The following ZNF544 variants were observed in gnomAD, a reference collection of about 807,000 sequenced individuals.
The protein encoded by ZNF544 is zinc finger protein 544, also known as zinc finger protein AF020591.
ZNF544 carries 10 observed loss-of-function variants against 13.5 expected under a neutral mutation model. That is an observed-to-expected ratio of 0.74 (90% CI 0.46 to 1.25). The LOEUF (loss-of-function observed/expected upper bound fraction) is 1.25, where lower values mean the gene tolerates loss of function less well. Ranked by LOEUF, ZNF544 falls within the 50% of genes most tolerant of loss-of-function variation. The probability of loss-of-function intolerance (pLI) is 0.00; values close to 1 mark genes in which losing one functional copy is unlikely to be tolerated. For missense variants in ZNF544, 896 were observed against 845.6 expected, an observed-to-expected ratio of 1.06 and a Z score of -0.74; for synonymous variants, 323 against 300.5, an observed-to-expected ratio of 1.07 and a Z score of -0.77.
intron 3 of ZNF544, among the ~76,000 whole-genome samples, chr19:58,237,760 G>T (rs566633887): frequency 2.0e-5 from 3 of 152,230 alleles, no homozygotes. Context: ...TGTGCCAGAA[G>T]CCTGGAGCTT....
chr19:58,255,859 C>T (rs887277302), intron 6 of ZNF544, among the ~76,000 whole-genome samples: 1 of 152,268 alleles, frequency 6.6e-6, no homozygotes, highest in Non-Finnish European at 1.5e-5. Context: ...TCCCCATTTA[C>T]GCCTTGGCCT....
chr19:58,261,305 C>A lies in ZNF544; in HGVS notation c.699C>A (p.Asn233Lys). The A allele has an allele frequency of 6.2e-7, 1 of 1,614,094 alleles. No homozygotes were observed. Among genetic ancestry groups the A allele is most frequent in the Non-Finnish European group, 8.5e-7 (1 of 1,180,016 alleles). Residue 233 changes from asparagine to lysine, a missense_variant, in exon 7 of 7, where the codon AAC becomes AAA. Physicochemically the swap from Asn to Lys is moderately conservative, Grantham distance 94. Coordinates refer to ENST00000687789, the MANE Select transcript of ZNF544 (RefSeq NM_014480.4). ...GTATTTACTTGAGTAAACTTGGAAA[C>A]GTTGAAACAGGAAAGAAAAACCCTT... ...CQSIYLSKLG[N>K]VETGKKNPYE...
At chr19:58,259,182 C>G (rs1475645268) in intron 6 of ZNF544, 1 of 152,270 alleles carries the variant, frequency 6.6e-6, no homozygotes, top group Non-Finnish European at 1.5e-5. Flanking sequence ...GCCAGTCATG[C>G]TGATCATGCT....
chr19:58,275,832 C>T (rs2051183862), intron 5 of ZNF544, among the ~76,000 whole-genome samples: 1 of 133,600 alleles, frequency 7.5e-6, no homozygotes, highest in South Asian at 2.5e-4. Flanking sequence ...ACATCAAAAT[C>T]ACAGATTCCA....
chr19:58,272,907 G>A lies in ZNF544; in HGVS notation c.245-3416G>A, dbSNP rs777266497. Among the ~76,000 whole-genome samples, 80 of 151,860 alleles carry A rather than the reference G, an allele frequency of 5.3e-4. 1 individual carries two copies. Among genetic ancestry groups the A allele is most frequent in the Non-Finnish European group, 1.8e-4 (12 of 67,960 alleles). Reference sequence around the variant, plus strand: ...AAGAAAAGAAAAGAAAAAAAGGCCGGGCGCGGTGGCTCATGCCTGTAATCC... The same window carrying A: ...AAGAAAAGAAAAGAAAAAAAGGCCGAGCGCGGTGGCTCATGCCTGTAATCC... On this transcript the variant is annotated intron_variant, in intron 5 of 6. Transcript: ENST00000595981.
At chr19:58,233,446 A>G (rs566573461) in intron 3 of ZNF544, among the ~76,000 whole-genome samples, 2 of 152,344 alleles carry the variant, frequency 1.3e-5, no homozygotes, top group South Asian at 4.1e-4. Context: ...TAAAGCAAAA[A>G]TTGTGTACTT....
intron 3 of ZNF544, among the ~76,000 whole-genome samples, chr19:58,231,216 G>C (rs1280345754): frequency 1.3e-5 from 2 of 152,132 alleles, no homozygotes; most frequent in African/African-American, 2.4e-5. Flanking sequence ...GCTGGGGTGG[G>C]GTGTACCAGA....
chr19:58,243,525 C>G (rs943362555), intron 3 of ZNF544, among the ~76,000 whole-genome samples: 1 of 151,890 alleles, frequency 6.6e-6, no homozygotes, highest in African/African-American at 2.4e-5. Context: ...GAGGGCATCC[C>G]TGTACAACAC....
chr19:58,266,098 C>T (rs1249543488), downstream of ZNF544, among the ~76,000 whole-genome samples: 1 of 149,460 alleles, frequency 6.7e-6, no homozygotes, highest in Non-Finnish European at 1.5e-5. Context: ...CCCAGCTACT[C>T]GGGAGGCTGA....
intron 6 of ZNF544, among the ~76,000 whole-genome samples, chr19:58,255,476 G>A (rs924556738): frequency 1.3e-5 from 2 of 152,208 alleles, no homozygotes; most frequent in Non-Finnish European, 2.9e-5. Context: ...ACTGCACCTG[G>A]CTGGGGTTGA....
At chr19:58,233,663 A>G (rs957624693) in intron 3 of ZNF544, among the ~76,000 whole-genome samples, 1 of 152,172 alleles carries the variant, frequency 6.6e-6, no homozygotes, top group Non-Finnish European at 1.5e-5. Flanking sequence ...GGCCCCTCCT[A>G]TATTAGATCT....
rs1600289034 is a variant in ZNF544, at chr19:58,246,847, G to T, written c.244+53G>T. 5.7e-6 allele frequency: 9 copies of T among 1,578,328 alleles called. No homozygotes were observed. In the East Asian group the frequency reaches 2.0e-4, roughly 35 times the overall value. Reference sequence around the variant, plus strand: ...TCAACGTTTAACAAGCTTGGACAGAGAGCTCTCCGCAGGGCCCCAGGGGCC... The same window carrying T: ...TCAACGTTTAACAAGCTTGGACAGATAGCTCTCCGCAGGGCCCCAGGGGCC... On this transcript the variant is annotated intron_variant, in intron 6 of 6. Transcript: ENST00000687789.
At chr19:58,273,735 T>C (rs1038078486) in intron 5 of ZNF544, among the ~76,000 whole-genome samples, 4 of 151,030 alleles carry the variant, frequency 2.6e-5, no homozygotes, top group Non-Finnish European at 4.4e-5. Context: ...GTGTCTCACG[T>C]TTTTTGTCTC....
At position 58,270,609 on chromosome 19, in the gene ZNF544, T is replaced by A. The variant is rs145533778; in HGVS notation, c.245-5714T>A. Among the ~76,000 whole-genome samples, 297 of 152,274 alleles carry A rather than the reference T, an allele frequency of 2.0e-3. 1 individual carries two copies. In the East Asian group the frequency reaches 0.034, roughly 17 times the overall value. On this transcript the variant is annotated intron_variant, in intron 5 of 6. Coordinates refer to the ZNF544 transcript ENST00000595981. Reference sequence around the variant, plus strand: ...GCCATTGCACCCGGCCTGTATTGGCTTTTAATTTTTAGGAAGTAACACATG... The same window carrying A: ...GCCATTGCACCCGGCCTGTATTGGCATTTAATTTTTAGGAAGTAACACATG...
intron 5 of ZNF544, 31 bp from the exon 6 acceptor site, chr19:58,246,680 A>G (rs948438898): frequency 1.2e-6 from 2 of 1,611,178 alleles, no homozygotes; most frequent in Non-Finnish European, 1.7e-6. Context: ...GTCCAAGCAG[A>G]GGGGCAAGTC....
At chr19:58,260,674 C>T in intron 6 of ZNF544, 177 bp from the exon 7 acceptor site, 1 of 591,148 alleles carries the variant, frequency 1.7e-6, no homozygotes, top group Non-Finnish European at 2.9e-6. Flanking sequence ...TGCACTTTAC[C>T]ACTGATACCA....
At chr19:58,242,398 T>TG in intron 3 of ZNF544, 1 of 594,406 alleles carries the variant, frequency 1.7e-6, no homozygotes, top group Non-Finnish European at 2.1e-6. Context: ...ATTTTTTTTT[T>TG]TTTGTCTGAG....
rs569027865 is a variant in ZNF544, at chr19:58,262,850, G to C, written c.*96G>C. Reference sequence around the variant, plus strand: ...GTGGGAAGAGCTATCAGTGTGACGTGTATTAAGCCAGCGGTTGTGACTCAT... The same window carrying C: ...GTGGGAAGAGCTATCAGTGTGACGTCTATTAAGCCAGCGGTTGTGACTCAT... On this transcript the variant is annotated 3_prime_UTR_variant, in exon 7 of 7. Transcript: ENST00000687789. 6.7e-7 allele frequency: 1 copy of C among 1,502,850 alleles called. No homozygotes were observed. Among genetic ancestry groups the C allele is most frequent in the South Asian group, 1.4e-5 (1 of 73,676 alleles). 93.1% of individuals were successfully genotyped at this position (1,502,850 alleles called of 1,614,324 possible). A position where few individuals can be genotyped will look rare whatever the true frequency, so the allele number is the denominator to read the frequency against.
chr19:58,231,623 T>A (rs1348393165), intron 3 of ZNF544: 6 of 152,256 alleles, frequency 3.9e-5, no homozygotes, highest in Non-Finnish European at 7.3e-5. Flanking sequence ...TGTCTCGAAC[T>A]TCTAGCCTCA....
Sources: allele counts gnomAD v4.1 joint callset (sites outside exome capture counted in the v4.1 genomes callset), GRCh38; gene constraint gnomAD v4.1.1; transcripts MANE v1.5; gene names NCBI Gene and HGNC (gene_info 2026-07-23, HGNC 2026-07-21).